USH2A: variants seen among roughly 807,000 people sequenced by gnomAD.
USH2A encodes Usher syndrome 2A (autosomal recessive, mild).
In USH2A, 443 loss-of-function variants were observed where a neutral mutation model predicts 538.9. That is an observed-to-expected ratio of 0.82 (90% CI 0.76 to 0.89). The LOEUF (loss-of-function observed/expected upper bound fraction) is 0.89. USH2A is among the 40% of genes least tolerant of loss of function. The pLI, the probability that USH2A is intolerant of heterozygous loss-of-function variation, is 0.00. For synonymous variants in USH2A, 2,413 were observed against 2,273.5 expected (o/e 1.06, Z -1.75); for missense variants, 6,633 against 6,324.8 (o/e 1.05, Z -1.65).
rs528025668 is a variant in USH2A at position 215,988,225 on chromosome 1, T to G, written c.6805+4795A>C. The stretch of plus-strand genomic sequence containing the variant: ...CAGACCTTGGTAACCGTAATTCTAA[T>G]TTCTGTTTCTGTGCATTCAACTACT... On this transcript the variant is annotated intron_variant, in intron 35 of 71. Coordinates refer to ENST00000307340, the MANE Select transcript of USH2A (RefSeq NM_206933.4). 5.3e-5 allele frequency among the ~76,000 whole-genome samples: 8 copies of G among 152,198 alleles called. No individual in the cohort carries two copies. In the South Asian group the frequency reaches 1.7e-3, roughly 32 times the overall value.
At chr1:215,741,021 C>A (rs1342045345) in intron 60 of USH2A, among the ~76,000 whole-genome samples, 1 of 152,170 alleles carries the variant, frequency 6.6e-6, no homozygotes, top group Non-Finnish European at 1.5e-5. Flanking sequence ...AGGCCGCGGA[C>A]TCTGTGGCCT....
intron 32 of USH2A, among the ~76,000 whole-genome samples, chr1:216,023,009 C>T (rs1032205975): frequency 6.6e-6 from 1 of 152,078 alleles, no homozygotes; most frequent in Non-Finnish European, 1.5e-5. Context: ...AGTGAGAAAA[C>T]CCATATGGAC....
At chr1:216,405,764 C>G (rs927978133) in intron 3 of USH2A, among the ~76,000 whole-genome samples, 5 of 152,188 alleles carry the variant, frequency 3.3e-5, no homozygotes, top group South Asian at 2.1e-4. Flanking sequence ...CAACCCAAAA[C>G]TAGAATTAAC....
rs538367232 is a variant in USH2A, at chr1:215,659,036, T to C, written c.14134-8235A>G. On this transcript the variant is annotated intron_variant, in intron 64 of 71. Transcript: ENST00000307340. ...ATATGCCAGATGCTGTTCTATGAGCTGGGGATACAACAGTGAACAAGGCTG... is the reference window on the plus strand; with the variant it reads ...ATATGCCAGATGCTGTTCTATGAGCCGGGGATACAACAGTGAACAAGGCTG... Among the ~76,000 whole-genome samples the C allele has an allele frequency of 1.2e-4, 18 of 152,298 alleles. No individual in the cohort carries two copies. The South Asian group carries it at 3.3e-3, about 28-fold the overall frequency.
chr1:216,187,671 C>T (rs1268935735), intron 20 of USH2A, among the ~76,000 whole-genome samples: 1 of 151,842 alleles, frequency 6.6e-6, no homozygotes, highest in African/African-American at 2.4e-5. Context: ...AATTCCATAA[C>T]ATTTATACTG....
intron 37 of USH2A, among the ~76,000 whole-genome samples, chr1:215,945,714 T>A (rs1330002954): frequency 6.6e-6 from 1 of 152,112 alleles, no homozygotes; most frequent in African/African-American, 2.4e-5. Context: ...TCAGAACTCA[T>A]AGATGTCAAT....
chr1:216,300,337 T>C (rs2037189937), intron 9 of USH2A, among the ~76,000 whole-genome samples: 1 of 152,234 alleles, frequency 6.6e-6, no homozygotes, highest in African/African-American at 2.4e-5. Flanking sequence ...TTTCGGTTTC[T>C]TCTGTAACAA....
At chr1:215,822,920 A>C (rs1312167652) in intron 47 of USH2A, among the ~76,000 whole-genome samples, 1 of 151,682 alleles carries the variant, frequency 6.6e-6, no homozygotes, top group Non-Finnish European at 1.5e-5. Flanking sequence ...CAATGAAAAA[A>C]CTCTAAAATT....
At chr1:216,264,147 G>A (rs542808532) in intron 11 of USH2A, among the ~76,000 whole-genome samples, 1 of 152,196 alleles carries the variant, frequency 6.6e-6, no homozygotes, top group South Asian at 2.1e-4. Context: ...TCATGGATTA[G>A]AGGAACTAAT....
intron 40 of USH2A, among the ~76,000 whole-genome samples, chr1:215,896,635 T>C (rs1165426244): frequency 6.6e-6 from 1 of 152,128 alleles, no homozygotes; most frequent in Non-Finnish European, 1.5e-5. Flanking sequence ...GCATGTACTA[T>C]ACAGAAAACA....
chr1:216,240,547 A>G (rs2035918279), intron 13 of USH2A, among the ~76,000 whole-genome samples: 1 of 151,976 alleles, frequency 6.6e-6, no homozygotes, highest in African/African-American at 2.4e-5. Flanking sequence ...AGTAGAAAAG[A>G]AGAAAGAATC....
chr1:216,293,273 C>T (rs2037042352), intron 9 of USH2A, among the ~76,000 whole-genome samples: 1 of 152,170 alleles, frequency 6.6e-6, no homozygotes, highest in Admixed American at 6.5e-5. Flanking sequence ...TTCTGCCCAC[C>T]TCGGCCGCCC....
At chr1:216,084,962 G>T (rs2032081470) in intron 24 of USH2A, 85 bp from the exon 25 acceptor site, 3 of 1,373,528 alleles carry the variant, frequency 2.2e-6, no homozygotes, top group Non-Finnish European at 3.1e-6. Flanking sequence ...TAAAGTCAAA[G>T]AAATAGGCAC....
chr1:215,826,963 T>C (rs1488572871), intron 47 of USH2A, among the ~76,000 whole-genome samples: 1 of 152,144 alleles, frequency 6.6e-6, no homozygotes, highest in African/African-American at 2.4e-5. Context: ...CTCGATAATA[T>C]GCAGGATGGT....
chr1:215,982,287 A>G (rs1360159013), intron 35 of USH2A, among the ~76,000 whole-genome samples: 2 of 152,220 alleles, frequency 1.3e-5, no homozygotes, highest in Non-Finnish European at 2.9e-5. Context: ...AATGTGCTTT[A>G]GTAATAAGCA....
At chr1:215,908,761 T>G (rs1665701312) in intron 38 of USH2A, among the ~76,000 whole-genome samples, 1 of 151,810 alleles carries the variant, frequency 6.6e-6, no homozygotes, top group Non-Finnish European at 1.5e-5. Flanking sequence ...GAACATTCAC[T>G]TAACAAAGCT....
chr1:216,387,639 T>C (rs1319915870), intron 3 of USH2A, among the ~76,000 whole-genome samples: 1 of 152,204 alleles, frequency 6.6e-6, no homozygotes, highest in Non-Finnish European at 1.5e-5. Context: ...ATCGGCGGTG[T>C]AGTGATTTCA....
chr1:216,328,509 TA>T (rs1284883057), intron 4 of USH2A, among the ~76,000 whole-genome samples: 1 of 152,126 alleles, frequency 6.6e-6, no homozygotes, highest in Non-Finnish European at 1.5e-5. Context: ...TCAATAGTTC[TA>T]AAAAAATAAA....
chr1:216,144,426 C>A lies in USH2A; in HGVS notation c.4627+30826G>T, dbSNP rs549081438. 4.6e-5 allele frequency among the ~76,000 whole-genome samples: 7 copies of A among 151,554 alleles called. No homozygotes were observed. The South Asian group carries it at 8.3e-4, about 18-fold the overall frequency. On this transcript the variant is annotated intron_variant, in intron 21 of 71. Transcript: ENST00000307340. ...ATATACAGAACCAAGTTAAACAAAA[C>A]ACATTTCAGCAAAGCTTTGTGAATA...
Sources: allele counts gnomAD v4.1 joint callset (sites outside exome capture counted in the v4.1 genomes callset), GRCh38; gene constraint gnomAD v4.1.1; transcripts MANE v1.5; gene names NCBI Gene and HGNC (gene_info 2026-07-23, HGNC 2026-07-21).